Variants in NEK11 observed in about 807,000 individuals in gnomAD.
NEK11 encodes NIMA related kinase 11.
In NEK11, 72 loss-of-function variants were observed where a neutral mutation model predicts 80.7. The observed-to-expected ratio is 0.89, with a 90% CI of 0.74 to 1.08. The LOEUF is 1.08. Among genes scored for constraint, NEK11 ranks in the 50% least tolerant of loss-of-function variants. The pLI is 0.00. For missense variants in NEK11, 764 were observed against 763.6 expected (o/e 1.00, Z -0.01); for synonymous variants, 251 against 260.7 (o/e 0.96, Z 0.36).
At chr3:131,306,887 G>A (rs763182895) in intron 17 of NEK11, among the ~76,000 whole-genome samples, 1 of 152,108 alleles carries the variant, frequency 6.6e-6, no homozygotes, top group Non-Finnish European at 1.5e-5. Flanking sequence ...ATCAGTTACA[G>A]TTCATGTTTT....
chr3:131,107,339 A>T (rs1051423175), intron 4 of NEK11, among the ~76,000 whole-genome samples: 2 of 150,838 alleles, frequency 1.3e-5, no homozygotes, highest in African/African-American at 4.8e-5. Context: ...GTGCACATGT[A>T]CCCTAAAACT....
chr3:131,158,826 A>T (rs954460333), intron 10 of NEK11, among the ~76,000 whole-genome samples: 1 of 152,198 alleles, frequency 6.6e-6, no homozygotes, highest in Non-Finnish European at 1.5e-5. Context: ...TGGCACATGC[A>T]AGCAAGGATG....
chr3:131,183,335 A>G (rs2093448871), intron 14 of NEK11, among the ~76,000 whole-genome samples: 1 of 152,188 alleles, frequency 6.6e-6, no homozygotes, highest in African/African-American at 2.4e-5. Context: ...CAGGTTTGTT[A>G]CATAAGTAAA....
chr3:131,161,431 C>A (rs2091568019), intron 10 of NEK11, among the ~76,000 whole-genome samples: 1 of 152,060 alleles, frequency 6.6e-6, no homozygotes, highest in Non-Finnish European at 1.5e-5. Flanking sequence ...TGGAATCAAC[C>A]TAAATGCCCA....
chr3:131,165,975 C>A (rs932199305), intron 12 of NEK11, among the ~76,000 whole-genome samples: 1 of 152,142 alleles, frequency 6.6e-6, no homozygotes, highest in Non-Finnish European at 1.5e-5. Flanking sequence ...CAAATTTTAA[C>A]TGTCATAGAT....
chr3:131,188,371 G>C (rs901299589), intron 14 of NEK11, among the ~76,000 whole-genome samples: 1 of 152,052 alleles, frequency 6.6e-6, no homozygotes, highest in Non-Finnish European at 1.5e-5. Flanking sequence ...GGCAAAAACC[G>C]CAATTACTTT....
In NEK11 at chr3:131,228,679, A is replaced by G. The variant is rs2095265152; in HGVS notation, c.1551A>G (p.Thr517=). 7 of 1,612,598 alleles carry G rather than the reference A, an allele frequency of 4.3e-6. No individual in the cohort carries two copies. The highest frequency in any genetic ancestry group is 5.9e-6 in the Non-Finnish European group (7 of 1,179,174). ...RNEGSQPAYR[T]NQQDSDIEAL... is the part of the protein sequence containing the mutation. Reference sequence around the variant, plus strand: ...AGGGATCCCAGCCTGCTTACAGAACAAACCAACAGGTATGTAATGCTCCCT... The same window carrying G: ...AGGGATCCCAGCCTGCTTACAGAACGAACCAACAGGTATGTAATGCTCCCT... The change falls in exon 15 of 18, where the codon ACA becomes ACG. Residue 517 remains threonine, a synonymous_variant. Coordinates refer to ENST00000383366, the MANE Select transcript of NEK11 (RefSeq NM_024800.5).
chr3:131,317,440 T>C (rs1315100825), intron 17 of NEK11, among the ~76,000 whole-genome samples: 2 of 152,066 alleles, frequency 1.3e-5, no homozygotes, highest in Non-Finnish European at 2.9e-5. Context: ...TTCATCCCCT[T>C]GTTACATTTC....
intron 17 of NEK11, among the ~76,000 whole-genome samples, chr3:131,333,337 T>G (rs1394787173): frequency 1.3e-5 from 2 of 152,318 alleles, no homozygotes; most frequent in South Asian, 4.1e-4. Context: ...AAAAGAATTT[T>G]CAACCCAGAA....
At position 131,096,652 on chromosome 3, in the gene NEK11, G is replaced by A. The variant is rs146203238; in HGVS notation, c.337-13151G>A. ...TAATTTACATTCCCATCAACACTGG[G>A]TAAGCATTCACTTTTCTCCACAGCC... On this transcript the variant is annotated intron_variant, in intron 4 of 17. Coordinates refer to ENST00000383366, the MANE Select transcript of NEK11 (RefSeq NM_024800.5). Among the ~76,000 whole-genome samples the A allele has an allele frequency of 1.1e-4, 16 of 152,086 alleles. No homozygotes were observed. In the East Asian group the frequency reaches 2.9e-3, roughly 28 times the overall value.
At chr3:131,291,159 G>A (rs1384844170) in intron 17 of NEK11, among the ~76,000 whole-genome samples, 3 of 152,124 alleles carry the variant, frequency 2.0e-5, no homozygotes, top group African/African-American at 7.2e-5. Flanking sequence ...GCCTTTTCTG[G>A]AATGTCATAT....
chr3:131,077,832 G>A (rs961512964), intron 3 of NEK11, among the ~76,000 whole-genome samples: 1 of 152,170 alleles, frequency 6.6e-6, no homozygotes, highest in Non-Finnish European at 1.5e-5. Flanking sequence ...AGTCTGAAAT[G>A]CCACTCCTAA....
At chr3:131,283,864 A>G (rs1335000723) in intron 17 of NEK11, among the ~76,000 whole-genome samples, 1 of 152,176 alleles carries the variant, frequency 6.6e-6, no homozygotes, top group African/African-American at 2.4e-5. Context: ...TCCTTACCCA[A>G]AGAGTAGTGG....
intron 3 of NEK11, among the ~76,000 whole-genome samples, chr3:131,056,413 T>C (rs1015580782): frequency 2.6e-5 from 4 of 152,194 alleles, no homozygotes; most frequent in African/African-American, 9.6e-5. Context: ...GTCAGGACAC[T>C]CACTGTGTTT....
chr3:131,280,743 A>T (rs1436963030), intron 17 of NEK11, among the ~76,000 whole-genome samples: 1 of 152,154 alleles, frequency 6.6e-6, no homozygotes, highest in African/African-American at 2.4e-5. Flanking sequence ...TGGGTGTTGG[A>T]TAATTCTGTA....
intron 4 of NEK11, among the ~76,000 whole-genome samples, chr3:131,083,068 C>G (rs984643442): frequency 2.0e-5 from 3 of 152,202 alleles, no homozygotes; most frequent in East Asian, 3.8e-4. Flanking sequence ...AATACAAATT[C>G]TTTGCCTCTA....
At chr3:131,247,425 CTATAAG>C (rs1031657563) in intron 16 of NEK11, among the ~76,000 whole-genome samples, 6 of 152,170 alleles carry the variant, frequency 3.9e-5, no homozygotes, top group Middle Eastern at 6.8e-3. Flanking sequence ...TATCAGTTAG[CTATAAG>C]TATATGGCTT....
At chr3:131,117,745 A>C (rs556605760) in intron 5 of NEK11, among the ~76,000 whole-genome samples, 1 of 152,156 alleles carries the variant, frequency 6.6e-6, no homozygotes, top group Non-Finnish European at 1.5e-5. Context: ...AGCAATTGTG[A>C]ATGGGAATTC....
intron 17 of NEK11, among the ~76,000 whole-genome samples, chr3:131,310,650 C>T (rs933254651): frequency 2.0e-5 from 3 of 152,096 alleles, no homozygotes; most frequent in African/African-American, 7.2e-5. Context: ...ATATTCACAC[C>T]TTTTGAGTGT....
Sources: gnomAD v4.1 joint callset for allele counts (sites outside exome capture counted in the v4.1 genomes callset) on GRCh38, gnomAD v4.1.1 for gene constraint, MANE v1.5 for transcripts, NCBI Gene and HGNC (gene_info 2026-07-23, HGNC 2026-07-21) for gene names.